The following TNS1 variants were observed in gnomAD, a reference collection of about 807,000 sequenced individuals.
TNS1 encodes tensin-1.
In TNS1, 62 loss-of-function variants were observed where a neutral mutation model predicts 168.6. That is an observed-to-expected ratio of 0.37 (90% CI 0.30 to 0.45). The LOEUF (loss-of-function observed/expected upper bound fraction) is 0.45, where lower values mean the gene tolerates loss of function less well. Ranked by LOEUF, TNS1 falls within the 20% of genes least tolerant of loss-of-function variation. The pLI is 1.00. For missense variants in TNS1, 2,240 were observed against 2,339.4 expected (o/e 0.96, Z 0.88); for synonymous variants, 934 against 933.2 (o/e 1.00, Z -0.02).
In TNS1 at chr2:217,847,674, A is replaced by C. The variant is rs781762364; in HGVS notation, c.2843T>G (p.Leu948Arg). The C allele has an allele frequency of 6.3e-7, 1 of 1,598,962 alleles. No homozygotes were observed. The highest frequency in any genetic ancestry group is 8.6e-7 in the Non-Finnish European group (1 of 1,167,604). The change falls in exon 19 of 33, where the codon CTT becomes CGT. Residue 948 changes from leucine (L) to arginine (R), a missense_variant. Leu to Arg is a moderately radical substitution (Grantham distance 102). Transcript: ENST00000682258. ...CCCTGGAGGGCTGTGGGTGGTCGGA[A>C]GGAAGGCAGGCAAGGAGGAAGAGGC... ...SPASSSLPAF[L>R]PTTHSPPGPQ...
intron 3 of TNS1, among the ~76,000 whole-genome samples, chr2:217,965,949 T>C (rs979122730): frequency 1.3e-5 from 2 of 151,960 alleles, no homozygotes; most frequent in African/African-American, 4.8e-5. Context: ...CACTGGTCTT[T>C]GTTCCCTCTA....
intron 19 of TNS1, among the ~76,000 whole-genome samples, chr2:217,844,239 T>C (rs1420739123): frequency 6.6e-6 from 1 of 152,096 alleles, no homozygotes; most frequent in African/African-American, 2.4e-5. Flanking sequence ...CCGCACCACT[T>C]AGGCTATCTA....
intron 1 of TNS1, among the ~76,000 whole-genome samples, chr2:217,999,819 T>C (rs1050371215): frequency 2.6e-5 from 4 of 152,270 alleles, no homozygotes; most frequent in Admixed American, 6.5e-5. Context: ...CATCATCGTC[T>C]GCAGCTGGAT....
At position 217,814,944 on chromosome 2, in the gene TNS1, T is replaced by C. The variant is rs751700217; in HGVS notation, c.4697A>G (p.Tyr1566Cys). Reference sequence around the variant, plus strand: ...CCTGGAGATCTCAGGCTTGTACCAATACTTAGAAGTGTCCTGGACAAACTT... The same window carrying C: ...CCTGGAGATCTCAGGCTTGTACCAACACTTAGAAGTGTCCTGGACAAACTT... ...KVKFVQDTSK[Y>C]WYKPEISREQ... The change falls in exon 25 of 33, where the codon TAT becomes TGT. Residue 1566 changes from tyrosine (Y) to cysteine (C), a missense_variant. Physicochemically the swap from Tyr to Cys is radical, Grantham distance 194. Coordinates refer to ENST00000682258, the MANE Select transcript of TNS1 (RefSeq NM_001387777.1). 10 of 1,613,660 alleles carry C rather than the reference T, an allele frequency of 6.2e-6. No homozygotes were observed. The South Asian group carries it at 1.1e-4, about 18-fold the overall frequency.
At chr2:217,974,251 G>C (rs1378382717) in intron 3 of TNS1, among the ~76,000 whole-genome samples, 1 of 152,164 alleles carries the variant, frequency 6.6e-6, no homozygotes, top group Non-Finnish European at 1.5e-5. Flanking sequence ...GTATAATTGA[G>C]AGTGTGAATT....
intron 12 of TNS1, among the ~76,000 whole-genome samples, chr2:217,889,444 C>T (rs1483218831): frequency 1.3e-5 from 2 of 152,222 alleles, no homozygotes; most frequent in Non-Finnish European, 2.9e-5. Flanking sequence ...TCAGTGTGCT[C>T]AGGGGCTAAA....
chr2:218,002,591 TG>T lies in TNS1; in HGVS notation c.33+248del, dbSNP rs549324942. On this transcript the variant is annotated intron_variant, in intron 1 of 32. Coordinates refer to ENST00000682258, the MANE Select transcript of TNS1 (RefSeq NM_001387777.1). ...ACAGCTCTGGGACTCCATTGGGGGG[TG>T]GGGGGGTGGGGCAGGGGATGTACTG... is the stretch of plus-strand genomic sequence containing the variant. Among the ~76,000 whole-genome samples, 44 of 4,222 alleles carry T rather than the reference TG, an allele frequency of 0.01. 1 individual carries two copies. The East Asian group carries it at 0.25, about 24-fold the overall frequency. The allele number at this position is 4,222 out of a possible 152,430, so 2.8% of individuals were successfully genotyped here.
intron 18 of TNS1, chr2:217,859,544 G>A: frequency 8.8e-7 from 1 of 1,140,748 alleles, no homozygotes; most frequent in Non-Finnish European, 1.3e-6. Flanking sequence ...CCAACATGAA[G>A]TTCTCAGTGC....
chr2:217,893,143 G>T, intron 10 of TNS1, 131 bp from the exon 11 acceptor site: 1 of 1,175,616 alleles, frequency 8.5e-7, no homozygotes, highest in South Asian at 1.5e-5. Flanking sequence ...AGAACATAAG[G>T]AGGAAGGGGG....
At chr2:217,823,209 T>C (rs1482317963) in intron 22 of TNS1, among the ~76,000 whole-genome samples, 1 of 152,158 alleles carries the variant, frequency 6.6e-6, no homozygotes, top group Non-Finnish European at 1.5e-5. Flanking sequence ...GTAAATATCT[T>C]AGGCTGTTGG....
In TNS1 at chr2:217,948,199, A is replaced by G. The variant is rs1957159862; in HGVS notation, c.187-27963T>C. 6.6e-6 allele frequency among the ~76,000 whole-genome samples: 1 copy of G among 152,196 alleles called. No individual in the cohort carries two copies. The highest frequency in any genetic ancestry group is 2.1e-4 in the South Asian group (1 of 4,826). On this transcript the variant is annotated intron_variant, in intron 3 of 32. Transcript: ENST00000682258. This position sits in a 1 kb window ranked among gnomAD's most constrained non-coding sequence, Gnocchi z 4.1. ...CCTCTGAGCTGCGCTAAAAGCTGACAAGATTCCCAGCAGGGAGGGGTCGGT... is the reference window on the plus strand; with the variant it reads ...CCTCTGAGCTGCGCTAAAAGCTGACGAGATTCCCAGCAGGGAGGGGTCGGT...
At chr2:218,019,741 G>A (rs989345040) in intron 1 of TNS1, among the ~76,000 whole-genome samples, 1 of 152,170 alleles carries the variant, frequency 6.6e-6, no homozygotes, top group African/African-American at 2.4e-5. Context: ...GGTCAGGTCA[G>A]GATCTAACTC....
intron 19 of TNS1, among the ~76,000 whole-genome samples, chr2:217,842,921 T>C (rs1263619146): frequency 6.6e-6 from 1 of 152,168 alleles, no homozygotes; most frequent in African/African-American, 2.4e-5. Flanking sequence ...TACCTCTCAC[T>C]GCTTTATCTC....
intron 3 of TNS1, among the ~76,000 whole-genome samples, chr2:217,931,132 G>C (rs576334026): frequency 2.6e-5 from 4 of 152,180 alleles, no homozygotes; most frequent in Admixed American, 2.0e-4. Context: ...GTGGCCCGGT[G>C]GGGGAGACAG....
chr2:217,895,429 T>A (rs1952192219), intron 8 of TNS1, among the ~76,000 whole-genome samples: 1 of 152,206 alleles, frequency 6.6e-6, no homozygotes, highest in African/African-American at 2.4e-5. Context: ...CCCTGTTCCG[T>A]GAGCGGATGT....
At chr2:217,962,657 T>C (rs1957528766) in intron 3 of TNS1, among the ~76,000 whole-genome samples, 1 of 152,168 alleles carries the variant, frequency 6.6e-6, no homozygotes, top group South Asian at 2.1e-4. Context: ...GAATTCCAGT[T>C]AATAAATGTA....
At chr2:217,832,892 T>A (rs1388429148) in intron 21 of TNS1, among the ~76,000 whole-genome samples, 1 of 152,116 alleles carries the variant, frequency 6.6e-6, no homozygotes, top group African/African-American at 2.4e-5. Flanking sequence ...CTAGGCCTCA[T>A]GTCTCTGTCT....
chr2:218,018,380 C>A (rs890040500), intron 1 of TNS1, among the ~76,000 whole-genome samples: 2 of 152,238 alleles, frequency 1.3e-5, no homozygotes, highest in Non-Finnish European at 1.5e-5. Context: ...GTATCAAAAG[C>A]CCTGGCTCAA....
intron 1 of TNS1, among the ~76,000 whole-genome samples, chr2:217,998,233 C>G (rs765725712): frequency 2.0e-5 from 3 of 152,020 alleles, no homozygotes; most frequent in Non-Finnish European, 2.9e-5. Flanking sequence ...CTCTCTCTCT[C>G]TCTCTCTCTC....
Sources: allele counts gnomAD v4.1 joint callset (sites outside exome capture counted in the v4.1 genomes callset), GRCh38; gene constraint gnomAD v4.1.1; non-coding constraint Gnocchi (gnomAD v3.1); transcripts MANE v1.5; gene names NCBI Gene and HGNC (gene_info 2026-07-23, HGNC 2026-07-21).